FRAS1: variants seen among roughly 807,000 people sequenced by gnomAD.
FRAS1 encodes the protein Fraser extracellular matrix complex subunit 1.
A neutral mutation model predicts 435.2 loss-of-function variants in FRAS1; 290 were observed. The observed-to-expected ratio is 0.67, with a 90% confidence interval of 0.61 to 0.73. The LOEUF is 0.73. FRAS1 is among the 30% of genes least tolerant of loss of function. FRAS1 has a pLI of 0.00. For synonymous variants in FRAS1, 1,800 were observed against 1,851.0 expected (o/e 0.97, Z 0.71); for missense variants, 4,860 against 5,001.5 (o/e 0.97, Z 0.85).
chr4:78,288,017 A>T (rs1727693521), intron 14 of FRAS1, among the ~76,000 whole-genome samples: 2 of 152,174 alleles, frequency 1.3e-5, no homozygotes, highest in African/African-American at 4.8e-5. Flanking sequence ...AGCATTGTTG[A>T]ACAAGTGTGT....
intron 73 of FRAS1, among the ~76,000 whole-genome samples, 157 bp from the exon 74 acceptor site, chr4:78,540,374 G>T (rs1722010129): frequency 6.6e-6 from 1 of 152,172 alleles, no homozygotes; most frequent in Non-Finnish European, 1.5e-5. Flanking sequence ...CCCATATCTG[G>T]TTCAGTTCTC....
At chr4:78,113,613 C>G (rs1427199864) in intron 2 of FRAS1, among the ~76,000 whole-genome samples, 9 of 152,082 alleles carry the variant, frequency 5.9e-5, no homozygotes, top group African/African-American at 1.9e-4. Flanking sequence ...TCTTTTGGCT[C>G]CATAAATGTC....
At chr4:78,442,655 G>A (rs1448117915) in intron 41 of FRAS1, among the ~76,000 whole-genome samples, 1 of 152,322 alleles carries the variant, frequency 6.6e-6, no homozygotes, top group African/African-American at 2.4e-5. Context: ...TCCATAGAGA[G>A]GACTATTCCC....
chr4:78,430,169 C>A, intron 36 of FRAS1, 123 bp from the exon 37 acceptor site: 1 of 1,141,902 alleles, frequency 8.8e-7, no homozygotes, highest in Non-Finnish European at 1.3e-6. Context: ...TGAAGCAGTG[C>A]TTTCTGATAA....
chr4:78,277,590 A>G (rs13108102), intron 9 of FRAS1, among the ~76,000 whole-genome samples: 46,300 of 152,020 alleles, frequency 0.3, 7,400 homozygotes, highest in East Asian at 0.38. Flanking sequence ...GTGTATACAC[A>G]TGAAAAACAG....
intron 26 of FRAS1, among the ~76,000 whole-genome samples, chr4:78,376,189 T>C (rs1731753496): frequency 1.3e-5 from 2 of 152,188 alleles, no homozygotes; most frequent in African/African-American, 4.8e-5. Context: ...ATTACATATA[T>C]ACAGTCACAC....
At chr4:78,522,527 C>T in intron 68 of FRAS1, 122 bp from the exon 69 acceptor site, 1 of 863,612 alleles carries the variant, frequency 1.2e-6, no homozygotes, top group Non-Finnish European at 1.8e-6. Context: ...ATGGGCTAAG[C>T]TTAGTTGTTT....
intron 2 of FRAS1, among the ~76,000 whole-genome samples, chr4:78,198,040 GA>G (rs1199746819): frequency 6.6e-6 from 1 of 152,130 alleles, no homozygotes; most frequent in African/African-American, 2.4e-5. Flanking sequence ...ACCCACCTCT[GA>G]TTTCAGCTCT....
At chr4:78,146,602 T>C (rs914453091) in intron 2 of FRAS1, among the ~76,000 whole-genome samples, 6 of 152,172 alleles carry the variant, frequency 3.9e-5, no homozygotes, top group Non-Finnish European at 7.3e-5. Context: ...GTCAAACTTA[T>C]TTCGTCTATG....
intron 2 of FRAS1, among the ~76,000 whole-genome samples, chr4:78,153,254 A>G (rs1251194558): frequency 2.6e-5 from 4 of 151,970 alleles, no homozygotes; most frequent in African/African-American, 9.7e-5. Context: ...CAGCATCAAT[A>G]TCTACCAGAC....
chr4:78,247,065 A>G (rs1390303288), intron 4 of FRAS1, among the ~76,000 whole-genome samples: 1 of 152,176 alleles, frequency 6.6e-6, no homozygotes, highest in Non-Finnish European at 1.5e-5. Flanking sequence ...CTATGACCTC[A>G]TCTTAAGGGC....
At position 78,134,028 on chromosome 4, in the gene FRAS1, C is replaced by T. The variant is rs183081737; in HGVS notation, c.108+68012C>T. ...AGGCTGGTGTGCAGTGGCCTGATCT[C>T]GGCTCACTGCAAGCTCCACCTCCCG... On this transcript the variant is annotated intron_variant, in intron 2 of 73. Coordinates refer to ENST00000512123, the MANE Select transcript of FRAS1 (RefSeq NM_025074.7). 8.7e-5 allele frequency among the ~76,000 whole-genome samples: 13 copies of T among 149,024 alleles called. No individual in the cohort carries two copies. The East Asian group carries it at 2.4e-3, about 27-fold the overall frequency.
chr4:78,336,188 C>A (rs749478358), intron 19 of FRAS1, among the ~76,000 whole-genome samples: 5 of 152,090 alleles, frequency 3.3e-5, no homozygotes, highest in Non-Finnish European at 7.4e-5. Context: ...TTCTGGAATT[C>A]TTTGCCTTTT....
At chr4:78,180,702 G>A (rs2867000) in intron 2 of FRAS1, among the ~76,000 whole-genome samples, 1,954 of 151,736 alleles carry the variant, frequency 0.013, 30 homozygotes, top group African/African-American at 0.044. Flanking sequence ...TCTGTGTAGC[G>A]AGATAAGTTC....
chr4:78,260,746 T>G (rs898841392), intron 6 of FRAS1, among the ~76,000 whole-genome samples: 14 of 152,176 alleles, frequency 9.2e-5, no homozygotes, highest in African/African-American at 3.1e-4. Context: ...CTATGTTGAA[T>G]AGGAGTGGTG....
rs145752309 is a variant in FRAS1 at position 78,300,683 on chromosome 4, G to T, written c.1535-7383G>T. On this transcript the variant is annotated intron_variant, in intron 14 of 73. Transcript: ENST00000512123. ...ATTTATGACTTCACATGGTAATTAG[G>T]ATAAAAATCCTAATTTCTTTCCTTG... Among the ~76,000 whole-genome samples, 738 of 152,146 alleles carry T rather than the reference G, an allele frequency of 4.9e-3. 7 individuals are homozygous for T. The highest frequency in any genetic ancestry group is 0.017 in the African/African-American group (708 of 41,508).
At chr4:78,129,477 A>G (rs137992984) in intron 2 of FRAS1, among the ~76,000 whole-genome samples, 186 of 152,276 alleles carry the variant, frequency 1.2e-3, no homozygotes, top group African/African-American at 4.0e-3. Context: ...CTATTTGAGA[A>G]GTGGCCATGG....
intron 2 of FRAS1, among the ~76,000 whole-genome samples, chr4:78,101,138 C>A (rs1183683589): frequency 6.6e-6 from 1 of 151,530 alleles, no homozygotes; most frequent in African/African-American, 2.4e-5. Flanking sequence ...GACAGCTTGG[C>A]ATAAGACTAA....
intron 2 of FRAS1, among the ~76,000 whole-genome samples, chr4:78,144,676 T>C (rs1196507024): frequency 6.6e-6 from 1 of 152,202 alleles, no homozygotes; most frequent in African/African-American, 2.4e-5. Flanking sequence ...TGAGCCTCTT[T>C]CTTTGCTTAT....
Sources: gnomAD v4.1 joint callset for allele counts (sites outside exome capture counted in the v4.1 genomes callset) on GRCh38, gnomAD v4.1.1 for gene constraint, MANE v1.5 for transcripts, NCBI Gene and HGNC (gene_info 2026-07-23, HGNC 2026-07-21) for gene names.